Variants in GALNT4 observed in about 807,000 individuals in gnomAD.
GALNT4 encodes polypeptide N-acetylgalactosaminyltransferase 4, also known as UDP-GalNAc:polypeptide N-acetylgalactosaminyltransferase 4.
GALNT4 carries 23 observed loss-of-function variants against 45.1 expected under a neutral mutation model. The ratio of observed to expected loss-of-function variants is 0.51; its 90% CI spans 0.37 to 0.72. The LOEUF is 0.72. Ranked by LOEUF, GALNT4 falls within the 30% of genes least tolerant of loss-of-function variation. GALNT4 has a pLI of 0.00. For missense variants in GALNT4, 757 were observed against 709.0 expected (o/e 1.07, Z -0.77); for synonymous variants, 264 against 257.6 (o/e 1.02, Z -0.24).
Position 89,524,345 on chromosome 12 carries a change from C to G in GALNT4, c.205G>C (p.Ala69Pro), listed in dbSNP as rs1335584215. 1 of 1,614,050 alleles carries G rather than the reference C, an allele frequency of 6.2e-7. No individual in the cohort carries two copies. Among genetic ancestry groups the G allele is most frequent in the South Asian group, 1.1e-5 (1 of 91,086 alleles). ...CACTCCCCAAGTGCACGGGAATCTGCAGGGGGCTTCTTATAAAGCGGTCGA... is the reference window on the plus strand; with the variant it reads ...CACTCCCCAAGTGCACGGGAATCTGGAGGGGGCTTCTTATAAAGCGGTCGA... ...LSRPLYKKPP[A>P]DSRALGEWGK... The change falls in exon 1 of 1, where the codon GCA (alanine) becomes CCA (proline). Residue 69 changes from alanine (A) to proline (P), a missense_variant. Transcript: ENST00000529983.
Position 89,524,544 on chromosome 12 carries a change from C to T in GALNT4, c.6G>A (p.Ala2=), listed in dbSNP as rs1349342317. 6.2e-7 allele frequency: 1 copy of T among 1,611,222 alleles called. No homozygotes were observed. The highest frequency in any genetic ancestry group is 1.1e-5 in the South Asian group (1 of 90,996). Reference sequence around the variant, plus strand: ...TCTTGCCTGCCCAAGTCCACCTCACCGCCATCCGGATTCTCAGGGCTGAGG... The same window carrying T: ...TCTTGCCTGCCCAAGTCCACCTCACTGCCATCCGGATTCTCAGGGCTGAGG... M[A]VRWTWAGKSC... Residue 2 remains alanine (A), a synonymous_variant, in exon 1 of 1, where the codon GCG becomes GCA. Coordinates refer to ENST00000529983, the MANE Select transcript of GALNT4 (RefSeq NM_003774.5).
chr12:89,522,765 G>T lies in GALNT4; in HGVS notation c.*48C>A, dbSNP rs756598070. 2.6e-6 allele frequency: 4 copies of T among 1,520,568 alleles called. No homozygotes were observed. The highest frequency in any genetic ancestry group is 2.7e-5 in the South Asian group (2 of 73,810). The allele number at this position is 1,520,568 out of a possible 1,614,324, so 94.2% of individuals were successfully genotyped here. A position where few individuals can be genotyped will look rare whatever the true frequency, so the allele number is the denominator to read the frequency against. On this transcript the variant is annotated 3_prime_UTR_variant, in exon 1 of 1. Transcript: ENST00000529983. ...TTCACTGAGGCTCTTAAGGCTCTTTGACTTTCTTGACACTACTGTCAGCTC... is the reference window on the plus strand; with the variant it reads ...TTCACTGAGGCTCTTAAGGCTCTTTTACTTTCTTGACACTACTGTCAGCTC...
At position 89,523,912 on chromosome 12, in the gene GALNT4, A is replaced by G. The variant is rs1871165629; in HGVS notation, c.638T>C (p.Ile213Thr). 3 of 1,598,612 alleles carry G rather than the reference A, an allele frequency of 1.9e-6. No individual in the cohort carries two copies. Among genetic ancestry groups the G allele is most frequent in the African/African-American group, 2.7e-5 (2 of 74,128 alleles). Residue 213 changes from isoleucine (I) to threonine (T), a missense_variant, in exon 1 of 1, where the codon ATT becomes ACT. Physicochemically the swap from Ile to Thr is moderately conservative, Grantham distance 89 (BLOSUM62 -1). Transcript: ENST00000529983. Reference protein sequence around the residue: ...KREGLVRARLIGATFATGDVL... With the variant: ...KREGLVRARLTGATFATGDVL... ...GTCCCCAGTGGCGAAAGTGGCCCCA[A>G]TCAGACGGGCCCTAACCAGCCCCTC...
chr12:89,523,732 G>C lies in GALNT4; in HGVS notation c.818C>G (p.Pro273Arg). Residue 273 changes from proline to arginine, a missense_variant, in exon 1 of 1, where the codon CCC becomes CGC. Transcript: ENST00000529983. ...ACGCCAGTCAAACCCACCAATCATGGGCTCCCCTATCTGCATATAGAATTC... is the reference window on the plus strand; with the variant it reads ...ACGCCAGTCAAACCCACCAATCATGCGCTCCCCTATCTGCATATAGAATTC... The part of the protein sequence containing the change: ...TFEFYMQIGE[P>R]MIGGFDWRLT... The C allele has an allele frequency of 6.5e-7, 1 of 1,547,962 alleles. No individual in the cohort carries two copies. The highest frequency in any genetic ancestry group is 8.7e-7 in the Non-Finnish European group (1 of 1,154,792).
rs1484549987 is a variant in GALNT4 at position 89,522,693 on chromosome 12, C to T, written c.*120G>A. 7.6e-6 allele frequency: 10 copies of T among 1,319,756 alleles called. No homozygotes were observed. The highest frequency in any genetic ancestry group is 1.0e-5 in the Non-Finnish European group (10 of 987,908). The allele number at this position is 1,319,756 out of a possible 1,614,324, so 81.8% of individuals were successfully genotyped here. ...CAAAATGAACCCCAGCTTTCCAGTG[C>T]TCCACAGATGACTGCTAGGTGGCTT... On this transcript the variant is annotated 3_prime_UTR_variant, in exon 1 of 1. Transcript: ENST00000529983.
chr12:89,524,557 C>G lies in GALNT4; in HGVS notation c.-8G>C. Reference sequence around the variant, plus strand: ...AGTCCACCTCACCGCCATCCGGATTCTCAGGGCTGAGGCGCAGACGCGGCC... The same window carrying G: ...AGTCCACCTCACCGCCATCCGGATTGTCAGGGCTGAGGCGCAGACGCGGCC... On this transcript the variant is annotated 5_prime_UTR_variant, in exon 1 of 1. Coordinates refer to ENST00000529983, the MANE Select transcript of GALNT4 (RefSeq NM_003774.5). 1 of 1,610,958 alleles carries G rather than the reference C, an allele frequency of 6.2e-7. No homozygotes were observed. Among genetic ancestry groups the G allele is most frequent in the African/African-American group, 1.3e-5 (1 of 74,988 alleles).
chr12:89,520,291 T>C lies in GALNT4; in HGVS notation c.*2522A>G, dbSNP rs1470534029. On this transcript the variant is annotated 3_prime_UTR_variant, in exon 1 of 1. Coordinates refer to ENST00000529983, the MANE Select transcript of GALNT4 (RefSeq NM_003774.5). ...CCTCATTTCCCTTTTGACAGGAGCA[T>C]CAAGATACTAAAATAAAAATAATGT... 2 of 152,012 alleles carry C rather than the reference T, an allele frequency of 1.3e-5. No individual in the cohort carries two copies. Among genetic ancestry groups the C allele is most frequent in the Admixed American group, 6.6e-5 (1 of 15,266 alleles). The allele number at this position is 152,012 out of a possible 1,614,324, so 9.4% of individuals were successfully genotyped here.
rs1204121604 is a variant in GALNT4, at chr12:89,524,601, G to A, written c.-52C>T. 5.0e-6 allele frequency: 8 copies of A among 1,590,774 alleles called. No homozygotes were observed. The Admixed American group carries it at 1.2e-4, about 24-fold the overall frequency. ...CGCGGCCACCAAGCCACCACGCAGG[G>A]GAAGGGCGGCGGAACCCACAGCTCG... On this transcript the variant is annotated 5_prime_UTR_variant, in exon 1 of 1. Coordinates refer to ENST00000529983, the MANE Select transcript of GALNT4 (RefSeq NM_003774.5).
Position 89,520,749 on chromosome 12 carries a change from A to C in GALNT4, c.*2064T>G, listed in dbSNP as rs1223526979. 6.6e-6 allele frequency: 1 copy of C among 152,226 alleles called. No homozygotes were observed. The highest frequency in any genetic ancestry group is 2.4e-5 in the African/African-American group (1 of 41,458). The allele number at this position is 152,226 out of a possible 1,614,324, so 9.4% of individuals were successfully genotyped here. Reference sequence around the variant, plus strand: ...TCCTACTCTCCAAGTCATCAAGTGAACACTAAAAGCAACTTTACTCGTGAA... The same window carrying C: ...TCCTACTCTCCAAGTCATCAAGTGACCACTAAAAGCAACTTTACTCGTGAA... On this transcript the variant is annotated 3_prime_UTR_variant, in exon 1 of 1. Transcript: ENST00000529983.
In GALNT4 at chr12:89,520,824, G is replaced by A. The variant is rs1237870592; in HGVS notation, c.*1989C>T. 1.3e-5 allele frequency: 2 copies of A among 152,126 alleles called. No homozygotes were observed. Among genetic ancestry groups the A allele is most frequent in the Admixed American group, 6.5e-5 (1 of 15,274 alleles). 9.4% of individuals were successfully genotyped at this position (152,126 alleles called of 1,614,324 possible). On this transcript the variant is annotated 3_prime_UTR_variant, in exon 1 of 1. Transcript: ENST00000529983. ...GCATTTTTCATAAATCTAGGCCAAAGTGAACTAATTGAGATTTAATTCTAA... is the reference window on the plus strand; with the variant it reads ...GCATTTTTCATAAATCTAGGCCAAAATGAACTAATTGAGATTTAATTCTAA...
In GALNT4 at chr12:89,523,097, A is replaced by G. The variant is rs374202951; in HGVS notation, c.1453T>C (p.Phe485Leu). Residue 485 changes from phenylalanine to leucine, a missense_variant, in exon 1 of 1, where the codon TTC becomes CTC. Transcript: ENST00000529983. ...FGCHGQGGNQFFEYTSNKEIR... is the reference protein window; with the variant it reads ...FGCHGQGGNQLFEYTSNKEIR... ...TCTTTGTTTGAAGTATATTCAAAGAATTGATTGCCTCCTTGACCATGGCAT... is the reference window on the plus strand; with the variant it reads ...TCTTTGTTTGAAGTATATTCAAAGAGTTGATTGCCTCCTTGACCATGGCAT... 3 of 1,613,826 alleles carry G rather than the reference A, an allele frequency of 1.9e-6. No individual in the cohort carries two copies. In the African/African-American group the frequency reaches 4.0e-5, roughly 22 times the overall value.
chr12:89,523,135 AG>A lies in GALNT4; in HGVS notation c.1414del (p.Leu472PhefsTer23). The A allele has an allele frequency of 6.2e-7, 1 of 1,613,886 alleles. No individual in the cohort carries two copies. Among genetic ancestry groups the A allele is most frequent in the African/African-American group, 1.3e-5 (1 of 75,058 alleles). Reference protein sequence around the residue: ...SPDNNPTGANLSLFGCHGQGG... With the variant: ...SPDNNPTGANXSLFGCHGQGG... ...TTGACCATGGCATCCAAACAGTGAA[AG>A]GTTAGCACCTGTGGGGTTGTTGTCA... On this transcript the variant is annotated frameshift_variant, in exon 1 of 1. Transcript: ENST00000529983. LOFTEE classifies it high-confidence loss of function.
chr12:89,519,798 A>G lies in GALNT4; in HGVS notation c.*3015T>C. Reference sequence around the variant, plus strand: ...TTGAGTTATAGGGATCCTCCTGGTGACTAGATTTTTTTTAATGACTAAAAA... The same window carrying G: ...TTGAGTTATAGGGATCCTCCTGGTGGCTAGATTTTTTTTAATGACTAAAAA... On this transcript the variant is annotated 3_prime_UTR_variant, in exon 1 of 1. Coordinates refer to ENST00000529983, the MANE Select transcript of GALNT4 (RefSeq NM_003774.5). 1 of 75,592 alleles carries G rather than the reference A, an allele frequency of 1.3e-5. No homozygotes were observed. Among genetic ancestry groups the G allele is most frequent in the East Asian group, 4.5e-4 (1 of 2,236 alleles). 4.7% of individuals were successfully genotyped at this position (75,592 alleles called of 1,614,324 possible). A position where few individuals can be genotyped will look rare whatever the true frequency, so the allele number is the denominator to read the frequency against.
Position 89,523,172 on chromosome 12 carries a change from A to G in GALNT4, c.1378T>C (p.Tyr460His). ...GTGGGGTTGTTGTCAGGAGAATTAT[A>G]ATCTAAACATTCAGACGAGATCCCT... Reference protein sequence around the residue: ...SRGISSECLDYNSPDNNPTGA... With the variant: ...SRGISSECLDHNSPDNNPTGA... Residue 460 changes from tyrosine (Y) to histidine (H), a missense_variant, in exon 1 of 1, where the codon TAT (tyrosine) becomes CAT (histidine). Transcript: ENST00000529983. The G allele has an allele frequency of 1.2e-6, 2 of 1,613,750 alleles. No individual in the cohort carries two copies. The highest frequency in any genetic ancestry group is 1.7e-6 in the Non-Finnish European group (2 of 1,179,662).
chr12:89,519,991 G>C lies in GALNT4; in HGVS notation c.*2822C>G, dbSNP rs1163107952. 1 of 151,980 alleles carries C rather than the reference G, an allele frequency of 6.6e-6. No individual in the cohort carries two copies. The allele number at this position is 151,980 out of a possible 1,614,324, so 9.4% of individuals were successfully genotyped here. On this transcript the variant is annotated 3_prime_UTR_variant, in exon 1 of 1. Transcript: ENST00000529983. The stretch of plus-strand genomic sequence containing the variant: ...ATTGTCTATAGCCAAAGAGAGCTTT[G>C]GTACCAATAAATTCGAATTAGGGAA...
Position 89,524,517 on chromosome 12 carries a change from G to C in GALNT4, c.33C>G (p.Ser11Arg). 1.2e-6 allele frequency: 2 copies of C among 1,611,892 alleles called. No individual in the cohort carries two copies. Among genetic ancestry groups the C allele is most frequent in the Non-Finnish European group, 1.7e-6 (2 of 1,179,868 alleles). The change falls in exon 1 of 1, where the codon AGC becomes AGG. Residue 11 changes from serine (S) to arginine (R), a missense_variant. Physicochemically the swap from Ser to Arg is moderately radical, Grantham distance 110. Transcript: ENST00000529983. MAVRWTWAGK[S>R]CLLLAFLTVA... The stretch of plus-strand genomic sequence containing the variant: ...CTGTTAAAAACGCCAGCAGCAGGCA[G>C]CTCTTGCCTGCCCAAGTCCACCTCA...
Position 89,524,125 on chromosome 12 carries a change from G to A in GALNT4, c.425C>T (p.Ala142Val). The A allele has an allele frequency of 6.2e-7, 1 of 1,614,010 alleles. No individual in the cohort carries two copies. Among genetic ancestry groups the A allele is most frequent in the Non-Finnish European group, 8.5e-7 (1 of 1,179,902 alleles). Residue 142 changes from alanine to valine, a missense_variant, in exon 1 of 1, where the codon GCT becomes GTT. Physicochemically the swap from Ala to Val is moderately conservative, Grantham distance 64. Transcript: ENST00000529983. ...RTLPTTSVII[A>V]FYNEAWSTLL... ...AGTCGACCAGGCTTCGTTATAGAAA[G>A]CAATGATAACAGAGGTGGTAGGAAG...
rs748169477 is a variant in GALNT4, at chr12:89,523,156, T to C, written c.1394A>G (p.Asn465Ser). The change falls in exon 1 of 1, where the codon AAC (asparagine) becomes AGC (serine). Residue 465 changes from asparagine to serine, a missense_variant. By Grantham distance (46) the Asn-to-Ser change is conservative. Transcript: ENST00000529983. ...TGAAAGGTTAGCACCTGTGGGGTTG[T>C]TGTCAGGAGAATTATAATCTAAACA... ...SECLDYNSPD[N>S]NPTGANLSLF... The C allele has an allele frequency of 2.0e-5, 33 of 1,613,576 alleles. No homozygotes were observed. The highest frequency in any genetic ancestry group is 2.7e-5 in the Non-Finnish European group (32 of 1,179,614).
At position 89,524,011 on chromosome 12, in the gene GALNT4, ACT is replaced by A. The variant is rs750708673; in HGVS notation, c.537_538del (p.Arg179SerfsTer8). ...AGTTTCAAGTTGTGTCTTCAAATAA[ACT>A]CTGTCACTCAAGTCATCCACCAAGA... On this transcript the variant is annotated frameshift_variant, in exon 1 of 1. Transcript: ENST00000529983. LOFTEE classifies it high-confidence loss of function. The A allele has an allele frequency of 6.8e-6, 11 of 1,613,390 alleles. No individual in the cohort carries two copies. The highest frequency in any genetic ancestry group is 4.5e-5 in the East Asian group (2 of 44,886).
Sources: allele counts gnomAD v4.1 joint callset, GRCh38; gene constraint gnomAD v4.1.1; transcripts MANE v1.5; gene names NCBI Gene and HGNC (gene_info 2026-07-23, HGNC 2026-07-21).